The following OTOG variants were observed in gnomAD, a reference collection of about 807,000 sequenced individuals.
OTOG encodes the protein otogelin.
Under a neutral mutation model 313.8 loss-of-function variants are expected in OTOG, and 296 were observed. That is an observed-to-expected ratio of 0.94 (90% CI 0.86 to 1.04). The LOEUF is 1.04. OTOG is among the 50% of genes least tolerant of loss of function. The pLI is 0.00. For synonymous variants in OTOG, 1,533 were observed against 1,554.9 expected (o/e 0.99, Z 0.33); for missense variants, 3,948 against 3,840.1 (o/e 1.03, Z -0.74).
intron 16 of OTOG, 97 bp from the exon 17 acceptor site, chr11:17,570,116 C>G (rs539656859): frequency 8.8e-7 from 1 of 1,140,534 alleles, no homozygotes; most frequent in Non-Finnish European, 1.2e-6. Context: ...AAGACTGGGC[C>G]GGGCGTGGGA....
intron 20 of OTOG, among the ~76,000 whole-genome samples, chr11:17,576,185 C>T (rs988810957): frequency 6.6e-6 from 1 of 152,212 alleles, no homozygotes; most frequent in Non-Finnish European, 1.5e-5. Context: ...ACACCTGTGT[C>T]AGGATGCAGC....
intron 39 of OTOG, among the ~76,000 whole-genome samples, chr11:17,616,173 C>A (rs1191008136): frequency 2.0e-5 from 3 of 152,062 alleles, no homozygotes; most frequent in African/African-American, 4.8e-5. Flanking sequence ...ATCCCCCCAC[C>A]TCAGCCTCCC....
rs7122875 is a variant in OTOG at position 17,596,052 on chromosome 11, C to T, written c.3423C>T (p.Leu1141=). ...SWAAVECPDT[L]DPRDMCVLNP... ...TTGCCCCTCAGTGCCCAGACACCCT[C>T]GATCCTCGGGATATGTGTGTCCTGA... Residue 1141 remains leucine, a synonymous_variant, in exon 29 of 56, where the codon CTC becomes CTT. Transcript: ENST00000399397. 2,690 of 1,550,724 alleles carry T rather than the reference C, an allele frequency of 1.7e-3. 53 individuals are homozygous for T. In the African/African-American group the frequency reaches 0.033, roughly 19 times the overall value.
intron 33 of OTOG, among the ~76,000 whole-genome samples, chr11:17,606,650 T>G (rs1387486046): frequency 2.0e-5 from 3 of 152,346 alleles, no homozygotes; most frequent in African/African-American, 7.2e-5. Flanking sequence ...CTGCCAGGTG[T>G]GTCTGTCCCC....
chr11:17,595,372 A>G (rs1389289759), intron 28 of OTOG, among the ~76,000 whole-genome samples: 1 of 152,238 alleles, frequency 6.6e-6, no homozygotes, highest in Non-Finnish European at 1.5e-5. Flanking sequence ...GATTCAGCAG[A>G]CATCGGAAAC....
chr11:17,587,740 G>GA (rs1284208091), intron 24 of OTOG, among the ~76,000 whole-genome samples: 1 of 152,184 alleles, frequency 6.6e-6, no homozygotes, highest in African/African-American at 2.4e-5. Context: ...AAGTCCCTGG[G>GA]TATAATGTTA....
rs751269089 is a variant in OTOG, at chr11:17,569,271, T to C, written c.1760T>C (p.Ile587Thr). Residue 587 changes from isoleucine (I) to threonine (T), a missense_variant, in exon 16 of 56, where the codon ATC (isoleucine) becomes ACC (threonine). Ile to Thr is a moderately conservative substitution (Grantham distance 89). Transcript: ENST00000399397. Reference sequence around the variant, plus strand: ...CTTCTGTTTGACCAGTACAAGATCATCCCGCCATACACAGATGGTACGGTT... The same window carrying C: ...CTTCTGTTTGACCAGTACAAGATCACCCCGCCATACACAGATGGTACGGTT... The part of the protein sequence containing the change: ...DVLLFDQYKI[I>T]PPYTDDAFEI... 2.0e-5 allele frequency: 31 copies of C among 1,550,406 alleles called. No individual in the cohort carries two copies. The African/African-American group carries it at 3.8e-4, about 19-fold the overall frequency.
At position 17,594,164 on chromosome 11, in the gene OTOG, G is replaced by A; in HGVS notation, c.3406G>A (p.Glu1136Lys). 6.4e-7 allele frequency: 1 copy of A among 1,550,608 alleles called. No individual in the cohort carries two copies. Among genetic ancestry groups the A allele is most frequent in the Non-Finnish European group, 8.7e-7 (1 of 1,146,998 alleles). Reference protein sequence around the residue: ...QEFGSSWAAVECPDTLDPRDM... With the variant: ...QEFGSSWAAVKCPDTLDPRDM... ...GTTTGGCAGCAGTTGGGCTGCAGTT[G>A]AGGTAAAGCCTCTCTTCCAGGCTGG... Residue 1136 changes from glutamate (E) to lysine (K), a missense_variant and splice_region_variant, in exon 28 of 56, where the codon GAG becomes AAG. Coordinates refer to ENST00000399397, the MANE Select transcript of OTOG (RefSeq NM_001292063.2).
At position 17,552,707 on chromosome 11, in the gene OTOG, G is replaced by A. The variant is rs117949291; in HGVS notation, c.293-412G>A. Among the ~76,000 whole-genome samples the A allele has an allele frequency of 7.0e-3, 1,024 of 146,800 alleles. 12 individuals are homozygous for A. The highest frequency in any genetic ancestry group is 0.036 in the Admixed American group (533 of 14,794). On this transcript the variant is annotated intron_variant, in intron 4 of 55. Coordinates refer to ENST00000399397, the MANE Select transcript of OTOG (RefSeq NM_001292063.2). ...TCTTGCTACAGGCCTCTCCTCCATC[G>A]CCTGGTTACCCCCGTGGCTTCTTCC...
Position 17,559,661 on chromosome 11 carries a change from T to C in OTOG, c.1341T>C (p.Asn447=). The change falls in exon 12 of 56, where the codon AAT becomes AAC. Residue 447 remains asparagine (N), a splice_region_variant and synonymous_variant. Coordinates refer to ENST00000399397, the MANE Select transcript of OTOG (RefSeq NM_001292063.2). The part of the protein sequence containing the change: ...IACVDGCYCP[N]GLIFEDGGCV... ...GTGTGGACGGCTGCTATTGCCCCAA[T>C]GGTATGCTAGGGGCAGACGTAGGTG... 1 of 1,550,532 alleles carries C rather than the reference T, an allele frequency of 6.4e-7. No homozygotes were observed. Among genetic ancestry groups the C allele is most frequent in the Non-Finnish European group, 8.7e-7 (1 of 1,146,992 alleles).
intron 21 of OTOG, 63 bp from the exon 22 acceptor site, chr11:17,576,805 A>C (rs994520870): frequency 1.4e-5 from 22 of 1,534,518 alleles, no homozygotes; most frequent in Non-Finnish European, 1.9e-5. Flanking sequence ...GTGCAGCAAC[A>C]TGGGGTGTCT....
intron 28 of OTOG, among the ~76,000 whole-genome samples, chr11:17,594,722 T>A (rs558447381): frequency 6.6e-6 from 1 of 152,262 alleles, no homozygotes; most frequent in African/African-American, 2.4e-5. Context: ...CTGTGAGCTG[T>A]GGGGGAAACA....
intron 33 of OTOG, among the ~76,000 whole-genome samples, chr11:17,606,614 A>C (rs1853398168): frequency 6.6e-6 from 1 of 152,240 alleles, no homozygotes; most frequent in South Asian, 2.1e-4. Context: ...ACCTTCCACC[A>C]ACGCCAAGGG....
rs1852418353 is a variant in OTOG at position 17,572,144 on chromosome 11, G to C, written c.2020G>C (p.Ala674Pro). 2 of 1,550,386 alleles carry C rather than the reference G, an allele frequency of 1.3e-6. No homozygotes were observed. Among genetic ancestry groups the C allele is most frequent in the Non-Finnish European group, 1.7e-6 (2 of 1,146,956 alleles). Residue 674 changes from alanine (A) to proline (P), a missense_variant, in exon 18 of 56, where the codon GCT (alanine) becomes CCT (proline). Physicochemically the swap from Ala to Pro is conservative, Grantham distance 27. Coordinates refer to ENST00000399397, the MANE Select transcript of OTOG (RefSeq NM_001292063.2). ...LFGNSWKTLS[A>P]CSPLVSGSPL... ...TGGCAATTCCTGGAAAACACTTTCT[G>C]CTTGCTCCCCGCTGGTCTCTGGCTC...
chr11:17,593,356 T>C (rs1400501650), intron 26 of OTOG, 29 bp downstream of exon 26: 19 of 1,549,534 alleles, frequency 1.2e-5, no homozygotes, highest in South Asian at 2.4e-5. Context: ...GAAGGTTGTG[T>C]AGACAATTTA....
At position 17,596,901 on chromosome 11, in the gene OTOG, CA is replaced by C; in HGVS notation, c.3577del (p.Ser1193AlafsTer46). The C allele has an allele frequency of 6.4e-7, 1 of 1,551,060 alleles. No individual in the cohort carries two copies. The highest frequency in any genetic ancestry group is 8.7e-7 in the Non-Finnish European group (1 of 1,147,094). On this transcript the variant is annotated frameshift_variant, in exon 30 of 56. Coordinates refer to ENST00000399397, the MANE Select transcript of OTOG (RefSeq NM_001292063.2). LOFTEE classifies it high-confidence loss of function. ...ACTGCCTGACAGACACATGTGGCTG[CA>C]GCCAGGGTGGTGACTGTGAGTGCTT... ...SNCLTDTCGC[S>X]QGGDCECFCA...
chr11:17,618,373 A>C (rs1853776777), intron 39 of OTOG, among the ~76,000 whole-genome samples: 1 of 152,194 alleles, frequency 6.6e-6, no homozygotes, highest in Non-Finnish European at 1.5e-5. Flanking sequence ...TTTAATCTTC[A>C]AATATTTTAT....
Position 17,609,799 on chromosome 11 carries a change from C to G in OTOG, c.4499C>G (p.Thr1500Ser), listed in dbSNP as rs574098827. The G allele has an allele frequency of 6.5e-7, 1 of 1,546,212 alleles. No homozygotes were observed. Among genetic ancestry groups the G allele is most frequent in the Admixed American group, 2.0e-5 (1 of 50,664 alleles). ...PRTPTHRPAL[T>S]PAAPLTTALN... ...ACCCCCACCCACAGGCCAGCCCTCA[C>G]CCCAGCTGCCCCACTCACCACAGCC... Residue 1500 changes from threonine (T) to serine (S), a missense_variant, in exon 36 of 56, where the codon ACC (threonine) becomes AGC (serine). Thr to Ser is a moderately conservative substitution (Grantham distance 58). Coordinates refer to ENST00000399397, the MANE Select transcript of OTOG (RefSeq NM_001292063.2).
rs141010212 is a variant in OTOG at position 17,574,824 on chromosome 11, G to C, written c.2398G>C (p.Asp800His). ...TGAGGCCTGTGGGGTTGATGGTGGC[G>C]ATGACCTGAGCAGAGACGAGTGTGT... ...SPEACGVDGG[D>H]DLSRDECVEG... is the part of the protein sequence containing the mutation. Residue 800 changes from aspartate (D) to histidine (H), a missense_variant, in exon 20 of 56, where the codon GAT (aspartate) becomes CAT (histidine). Transcript: ENST00000399397. 4 of 1,550,214 alleles carry C rather than the reference G, an allele frequency of 2.6e-6. No individual in the cohort carries two copies. Among genetic ancestry groups the C allele is most frequent in the Non-Finnish European group, 3.5e-6 (4 of 1,146,868 alleles).
Sources: gnomAD v4.1 joint callset for allele counts (sites outside exome capture counted in the v4.1 genomes callset) on GRCh38, gnomAD v4.1.1 for gene constraint, MANE v1.5 for transcripts, NCBI Gene and HGNC (gene_info 2026-07-23, HGNC 2026-07-21) for gene names.